The following STS variants were observed in gnomAD, a reference collection of about 807,000 sequenced individuals.
The protein encoded by STS is steryl-sulfatase.
STS carries 7 observed loss-of-function variants against 26.8 expected under a neutral mutation model. That is an observed-to-expected ratio of 0.26 (90% CI 0.15 to 0.49). STS has a LOEUF of 0.49. STS is among the 20% of genes least tolerant of loss of function. STS has a pLI of 0.98. For synonymous variants in STS, 199 were observed against 189.4 expected (o/e 1.05, Z -0.42); for missense variants, 434 against 465.6 (o/e 0.93, Z 0.63).
Position 7,275,958 on chromosome X carries a change from G to A in STS, c.814G>A (p.Glu272Lys). ...EAAQFIQRNTETPFLLVLSYL... is the reference protein window; with the variant it reads ...EAAQFIQRNTKTPFLLVLSYL... ...TTTTTTTTTTTTTTGCAGGAACACT[G>A]AGACTCCGTTCCTGCTTGTCTTGTC... Residue 272 changes from glutamate to lysine, a missense_variant, in exon 7 of 11, where the codon GAG becomes AAG. Glu to Lys is a moderately conservative substitution (Grantham distance 56, BLOSUM62 1). Transcript: ENST00000674429. The A allele has an allele frequency of 4.6e-6, 5 of 1,092,246 alleles. No homozygotes were observed. The highest frequency in any genetic ancestry group is 6.1e-6 in the Non-Finnish European group (5 of 818,137). The allele number at this position is 1,092,246 out of a possible 1,213,427, so 90.0% of individuals were successfully genotyped here.
chrX:7,237,001 A>G (rs1922344003), intron 2 of STS, among the ~76,000 whole-genome samples: 1 of 110,984 alleles, frequency 9.0e-6, no homozygotes, highest in African/African-American at 3.3e-5. Flanking sequence ...AAAATCAAAC[A>G]GCAAATTTAC....
chrX:7,215,050 T>C (rs1346392547), intron 2 of STS, among the ~76,000 whole-genome samples: 1 of 89,988 alleles, frequency 1.1e-5, no homozygotes, highest in Admixed American at 1.4e-4. Flanking sequence ...TACATATATA[T>C]ACGTATATAT....
intron 1 of STS, among the ~76,000 whole-genome samples, chrX:7,155,361 G>T (rs934504876): frequency 1.8e-5 from 2 of 112,044 alleles, no homozygotes; most frequent in Non-Finnish European, 3.8e-5. Context: ...AAGGCTGTGG[G>T]ATTTTGCCAA....
At chrX:7,247,749 C>T (rs188756347) in intron 2 of STS, among the ~76,000 whole-genome samples, 30 of 111,793 alleles carry the variant, frequency 2.7e-4, no homozygotes, top group Non-Finnish European at 4.7e-4. Flanking sequence ...GTTATACATG[C>T]TACTGGCATG....
chrX:7,281,337 T>C (rs943140073), intron 7 of STS, among the ~76,000 whole-genome samples: 5 of 111,949 alleles, frequency 4.5e-5, no homozygotes, highest in South Asian at 3.7e-4. Context: ...TTGCTCAGGA[T>C]TGGTAGCTTG....
At chrX:7,199,813 G>T (rs1454793247) in intron 2 of STS, among the ~76,000 whole-genome samples, 1 of 110,884 alleles carries the variant, frequency 9.0e-6, no homozygotes, top group African/African-American at 3.3e-5. Flanking sequence ...GCCCAGACCA[G>T]TTATTCTGAG....
intron 1 of STS, among the ~76,000 whole-genome samples, chrX:7,152,057 G>A (rs543629095): frequency 3.6e-5 from 4 of 110,373 alleles, no homozygotes; most frequent in East Asian, 2.8e-4. Flanking sequence ...GGTTCACGCC[G>A]TTCTCCTGCC....
At chrX:7,218,763 G>A (rs1191354569) in intron 2 of STS, among the ~76,000 whole-genome samples, 1 of 112,243 alleles carries the variant, frequency 8.9e-6, no homozygotes, top group African/African-American at 3.2e-5. Flanking sequence ...AGATCAAAGG[G>A]TTCGGGTGGA....
intron 2 of STS, among the ~76,000 whole-genome samples, chrX:7,221,382 C>A (rs1465816329): frequency 8.9e-6 from 1 of 112,541 alleles, no homozygotes; most frequent in Admixed American, 9.4e-5. Flanking sequence ...AGCACAGGCT[C>A]AGTAACCTCT....
At chrX:7,261,207 G>T (rs767050217) in intron 6 of STS, among the ~76,000 whole-genome samples, 1 of 111,479 alleles carries the variant, frequency 9.0e-6, no homozygotes, top group Admixed American at 9.5e-5. Flanking sequence ...GGTCTTTATG[G>T]TGACTTAAAC....
At chrX:7,338,920 A>G (rs779667843) in intron 10 of STS, among the ~76,000 whole-genome samples, 11 of 111,758 alleles carry the variant, frequency 9.8e-5, no homozygotes, top group African/African-American at 3.2e-4. Flanking sequence ...GCAAACAGCC[A>G]TAGGGTAATG....
intron 2 of STS, among the ~76,000 whole-genome samples, chrX:7,234,632 G>A (rs1192170228): frequency 9.0e-6 from 1 of 111,494 alleles, no homozygotes; most frequent in Non-Finnish European, 1.9e-5. Flanking sequence ...GGGAACCTTG[G>A]CTTCTTTAGA....
chrX:7,294,596 C>T (rs1237172888), intron 7 of STS, among the ~76,000 whole-genome samples: 5 of 111,976 alleles, frequency 4.5e-5, no homozygotes, highest in African/African-American at 9.7e-5. Flanking sequence ...CAATCTTAGT[C>T]ATGCGTCTAA....
At chrX:7,310,707 C>A (rs1314499987) in intron 8 of STS, among the ~76,000 whole-genome samples, 1 of 111,760 alleles carries the variant, frequency 8.9e-6, no homozygotes, top group Admixed American at 9.5e-5. Context: ...ATGTTGAAGA[C>A]CTCCAGGGCT....
chrX:7,337,404 ACT>A (rs1377373349), intron 10 of STS, among the ~76,000 whole-genome samples: 2 of 111,207 alleles, frequency 1.8e-5, no homozygotes. Context: ...GGAAAACGTG[ACT>A]CTCATCCATA....
At chrX:7,157,394 T>G (rs1171329708) in intron 1 of STS, among the ~76,000 whole-genome samples, 1 of 111,331 alleles carries the variant, frequency 9.0e-6, no homozygotes, top group East Asian at 2.8e-4. Context: ...GGCCCAAGTA[T>G]GAAGACATGC....
At chrX:7,329,121 T>C (rs1927627364) in intron 9 of STS, among the ~76,000 whole-genome samples, 1 of 112,522 alleles carries the variant, frequency 8.9e-6, no homozygotes, top group African/African-American at 3.2e-5. Flanking sequence ...GAAATGTGCT[T>C]CCAAGTGCCT....
intron 1 of STS, among the ~76,000 whole-genome samples, chrX:7,181,174 T>C (rs987051544): frequency 1.8e-5 from 2 of 112,582 alleles, no homozygotes; most frequent in Non-Finnish European, 3.7e-5. Context: ...AAAGTGTCAT[T>C]TTTCAATGGA....
chrX:7,335,821 C>A (rs778844038), intron 10 of STS, among the ~76,000 whole-genome samples: 7 of 111,719 alleles, frequency 6.3e-5, no homozygotes, highest in South Asian at 3.8e-4. Context: ...TCAGCTTTCT[C>A]CATATGGCTA....
Sources: allele counts gnomAD v4.1 joint callset (sites outside exome capture counted in the v4.1 genomes callset), GRCh38; gene constraint gnomAD v4.1.1; transcripts MANE v1.5; gene names NCBI Gene and HGNC (gene_info 2026-07-23, HGNC 2026-07-21).